LRP2: variants seen among roughly 807,000 people sequenced by gnomAD.
The protein encoded by LRP2 is low-density lipoprotein receptor-related protein 2.
A neutral mutation model predicts 531.0 loss-of-function variants in LRP2; 172 were observed. The ratio of observed to expected loss-of-function variants is 0.32; its 90% CI spans 0.29 to 0.37. The LOEUF (loss-of-function observed/expected upper bound fraction) is 0.37. LRP2 is among the 10% of genes least tolerant of loss of function. The pLI, the probability that LRP2 is intolerant of heterozygous loss-of-function variation, is 1.00. For synonymous variants in LRP2, 1,992 were observed against 2,027.6 expected, an observed-to-expected ratio of 0.98 and a Z score of 0.47; for missense variants, 5,167 against 5,868.3, an observed-to-expected ratio of 0.88 and a Z score of 3.90.
chr2:169,293,919 A>G (rs1177019729), intron 6 of LRP2, among the ~76,000 whole-genome samples: 1 of 152,102 alleles, frequency 6.6e-6, no homozygotes, highest in East Asian at 1.9e-4. Context: ...AGCCCTTTAC[A>G]TCTACACAGA....
rs199737340 is a variant in LRP2 at position 169,338,351 on chromosome 2, AGAAAGAAG to A, written c.80-17475_80-17468del. Among the ~76,000 whole-genome samples the A allele has an allele frequency of 6.2e-3, 788 of 126,286 alleles. 5 individuals carry two copies. The highest frequency in any genetic ancestry group is 9.2e-3 in the Non-Finnish European group (548 of 59,640). The allele number at this position is 126,286 out of a possible 152,430, so 82.8% of individuals were successfully genotyped here. On this transcript the variant is annotated intron_variant, in intron 1 of 78. Coordinates refer to ENST00000649046, the MANE Select transcript of LRP2 (RefSeq NM_004525.3). ...GAGAGACAGAGAAAGAAAGAAGGAA[AGAAAGAAG>A]GAAAGAAAGAAAGAAAGAAAGAAAG...
chr2:169,320,776 C>A lies in LRP2; in HGVS notation c.187+1G>T. The A allele has an allele frequency of 6.2e-7, 1 of 1,613,390 alleles. No individual in the cohort carries two copies. The highest frequency in any genetic ancestry group is 8.5e-7 in the Non-Finnish European group (1 of 1,179,332). On this transcript the variant is annotated splice_donor_variant, in intron 2 of 78. Coordinates refer to ENST00000649046, the MANE Select transcript of LRP2 (RefSeq NM_004525.3). LOFTEE classifies it high-confidence loss of function. ...ACTTAGCCTGGCCCCTCCTCACTTA[C>A]CGCAGCCAATTTCATCCGCGTCATC...
Position 169,176,484 on chromosome 2 carries a change from G to C in LRP2, c.10498C>G (p.Leu3500Val), listed in dbSNP as rs374063065. Residue 3500 changes from leucine (L) to valine (V), a missense_variant, in exon 54 of 79, where the codon CTT (leucine) becomes GTT (valine). Coordinates refer to ENST00000649046, the MANE Select transcript of LRP2 (RefSeq NM_004525.3). ...CAGTAGGTGCTGCCACTCAGCTGAA[G>C]GGTGCGGAAGTCATCTGGACACTCG... ...TCECPDDFRT[L>V]QLSGSTYCMP... 14 of 1,614,060 alleles carry C rather than the reference G, an allele frequency of 8.7e-6. No homozygotes were observed. The African/African-American group carries it at 1.9e-4, about 22-fold the overall frequency.
At chr2:169,205,934 A>T (rs1252879039) in intron 40 of LRP2, 89 bp downstream of exon 40, 25 of 1,493,012 alleles carry the variant, frequency 1.7e-5, no homozygotes, top group Non-Finnish European at 2.2e-5. Flanking sequence ...TAAGCCCATA[A>T]CACATTGGCT....
chr2:169,133,453 G>A (rs1481565588), intron 76 of LRP2, among the ~76,000 whole-genome samples: 1 of 152,162 alleles, frequency 6.6e-6, no homozygotes, highest in Non-Finnish European at 1.5e-5. Flanking sequence ...TGTGATTAAA[G>A]TTTTCATATC....
intron 45 of LRP2, 94 bp downstream of exon 45, chr2:169,198,692 A>G: frequency 1.4e-6 from 2 of 1,468,722 alleles, no homozygotes; most frequent in Non-Finnish European, 1.9e-6. Context: ...ATGACAATTG[A>G]AATCAGCCCG....
In LRP2 at chr2:169,279,539, A is replaced by G; in HGVS notation, c.1398T>C (p.Val466=). ...CCACAGCCAGGTTCTCTGGGGTTTC[A>G]ACAGAAACATTGAGAACCTCTTGGA... The part of the protein sequence containing the change: ...LNIQEVLNVS[V]ETPENLAVDW... The change falls in exon 12 of 79, where the codon GTT becomes GTC. Residue 466 remains valine (V), a synonymous_variant. Transcript: ENST00000649046. 6.2e-7 allele frequency: 1 copy of G among 1,614,062 alleles called. No individual in the cohort carries two copies. The highest frequency in any genetic ancestry group is 8.5e-7 in the Non-Finnish European group (1 of 1,179,960).
rs775093374 is a variant in LRP2, at chr2:169,156,315, G to A, written c.12110C>T (p.Thr4037Met). 1.5e-5 allele frequency: 25 copies of A among 1,613,650 alleles called. No homozygotes were observed. The highest frequency in any genetic ancestry group is 1.1e-4 in the South Asian group (10 of 91,078). The change falls in exon 65 of 79, where the codon ACG becomes ATG. Residue 4037 changes from threonine to methionine, a missense_variant. By Grantham distance (81) the Thr-to-Met change is moderately conservative. Transcript: ENST00000649046. ...SYECVCADGFTSMSDRPGKRC... is the reference protein window; with the variant it reads ...SYECVCADGFMSMSDRPGKRC... ...TTTTCCAGGGCGGTCACTCATAGAC[G>A]TGAAGCCATCAGCACAGACACACTC...
chr2:169,187,087 C>CAAAA (rs1445056445), intron 49 of LRP2, among the ~76,000 whole-genome samples: 4 of 151,256 alleles, frequency 2.6e-5, no homozygotes, highest in Non-Finnish European at 4.4e-5. Flanking sequence ...TTTTCTTCAA[C>CAAAA]TTTTAAGTTC....
intron 35 of LRP2, among the ~76,000 whole-genome samples, chr2:169,214,188 A>G (rs1269620823): frequency 6.6e-6 from 1 of 152,088 alleles, no homozygotes; most frequent in East Asian, 1.9e-4. Context: ...GGATATACTC[A>G]AACATCTAAG....
At chr2:169,152,646 T>C (rs933662790) in intron 67 of LRP2, among the ~76,000 whole-genome samples, 153 bp downstream of exon 67, 2 of 152,134 alleles carry the variant, frequency 1.3e-5, no homozygotes, top group Non-Finnish European at 2.9e-5. Flanking sequence ...AGGTAGTTGC[T>C]GGGGCTTCAG....
At chr2:169,261,838 A>G (rs1028253675) in intron 16 of LRP2, among the ~76,000 whole-genome samples, 1 of 152,108 alleles carries the variant, frequency 6.6e-6, no homozygotes, top group African/African-American at 2.4e-5. Flanking sequence ...TGATGCAAAG[A>G]TCCTCAATAA....
intron 9 of LRP2, among the ~76,000 whole-genome samples, chr2:169,284,256 C>CTTTTTTTTTTTTTTTTTTTTTTTTTTT (rs1216987363): frequency 4.6e-4 from 44 of 96,640 alleles, no homozygotes; most frequent in Middle Eastern, 7.6e-3. Context: ...TCTTTTTTTT[C>CTTTTTTTTTTTTTTTTTTTTTTTTTTT]TTTTTTTTTT....
intron 16 of LRP2, among the ~76,000 whole-genome samples, chr2:169,261,403 G>A (rs1418861706): frequency 6.6e-6 from 1 of 151,674 alleles, no homozygotes; most frequent in Admixed American, 6.6e-5. Context: ...ATAGCCCACT[G>A]CAGCCTCAAA....
chr2:169,158,471 T>C (rs1686439937), intron 63 of LRP2, among the ~76,000 whole-genome samples: 1 of 152,022 alleles, frequency 6.6e-6, no homozygotes, highest in South Asian at 2.1e-4. Flanking sequence ...ATTGAATATG[T>C]CTGGAACTTA....
intron 70 of LRP2, among the ~76,000 whole-genome samples, chr2:169,143,740 T>C (rs1165811106): frequency 6.6e-6 from 1 of 152,210 alleles, no homozygotes; most frequent in Non-Finnish European, 1.5e-5. Context: ...AGTATTACCA[T>C]TAAAAGCTCC....
At position 169,244,761 on chromosome 2, in the gene LRP2, C is replaced by T. The variant is rs1344094043; in HGVS notation, c.3362G>A (p.Cys1121Tyr). ...GTCACAGACCCAGTTCTTTGAGATA[C>T]ACTGGTGATTATCACAGGTGTATTG... ...DTQYTCDNHQ[C>Y]ISKNWVCDTD... Residue 1121 changes from cysteine (C) to tyrosine (Y), a missense_variant, in exon 22 of 79, where the codon TGT becomes TAT. Physicochemically the swap from Cys to Tyr is radical, Grantham distance 194. Coordinates refer to ENST00000649046, the MANE Select transcript of LRP2 (RefSeq NM_004525.3). 1 of 1,614,082 alleles carries T rather than the reference C, an allele frequency of 6.2e-7. No homozygotes were observed. Among genetic ancestry groups the T allele is most frequent in the African/African-American group, 1.3e-5 (1 of 74,940 alleles).
At chr2:169,184,587 A>C (rs1241037954) in intron 50 of LRP2, among the ~76,000 whole-genome samples, 1 of 152,190 alleles carries the variant, frequency 6.6e-6, no homozygotes, top group Admixed American at 6.5e-5. Context: ...TATTCAATAG[A>C]GATGTTAAGA....
In LRP2 at chr2:169,146,886, T is replaced by G. The variant is rs773958360; in HGVS notation, c.12664A>C (p.Ile4222Leu). Residue 4222 changes from isoleucine to leucine, a missense_variant, in exon 69 of 79, where the codon ATC becomes CTC. Physicochemically the swap from Ile to Leu is conservative, Grantham distance 5. Around this residue, in one of 6 missense-constraint regions of LRP2, gnomAD observed 564 missense variants for 747.7 expected, o/e 0.75. Coordinates refer to ENST00000649046, the MANE Select transcript of LRP2 (RefSeq NM_004525.3). The part of the protein sequence containing the change: ...SAWMNGEDRN[I>L]LVFEDLGWPT... ...CAACCAAGGTCCTCGAAAACCAGGA[T>G]GTTGCGGTCCTCTCCATTCATCCAG... 1 of 1,614,132 alleles carries G rather than the reference T, an allele frequency of 6.2e-7. No individual in the cohort carries two copies. The highest frequency in any genetic ancestry group is 8.5e-7 in the Non-Finnish European group (1 of 1,180,020).
Sources: allele counts gnomAD v4.1 joint callset (sites outside exome capture counted in the v4.1 genomes callset), GRCh38; gene constraint gnomAD v4.1.1; regional missense constraint gnomAD v4.1.1; transcripts MANE v1.5; gene names NCBI Gene and HGNC (gene_info 2026-07-23, HGNC 2026-07-21).